The following ZBED6 variants were observed in gnomAD, a reference collection of about 807,000 sequenced individuals.
ZBED6 encodes zinc finger BED domain-containing protein 6.
Under a neutral mutation model 58.4 loss-of-function variants are expected in ZBED6, and 40 were observed. The observed-to-expected ratio is 0.68, with a 90% CI of 0.53 to 0.89. ZBED6 has a LOEUF of 0.89. ZBED6 is among the 40% of genes least tolerant of loss of function. The pLI, the probability that ZBED6 is intolerant of heterozygous loss-of-function variation, is 0.00. For synonymous variants in ZBED6, 439 were observed against 350.6 expected (o/e 1.25, Z -2.82); for missense variants, 1,057 against 1,003.9 (o/e 1.05, Z -0.71).
exon 1 of ZBED6, chr1:203,796,482 A>G (rs1668543558): frequency 1.0e-5 from 4 of 398,968 alleles, no homozygotes; most frequent in East Asian, 3.6e-5. Flanking sequence ...GAACACCCCT[A>G]AACTCCCATA....
At chr1:203,811,826 T>C (rs1054886583) in intron 1 of ZBED6, among the ~76,000 whole-genome samples, 64 of 151,616 alleles carry the variant, frequency 4.2e-4, no homozygotes, top group Non-Finnish European at 6.9e-4. Context: ...CTTTTTCTTT[T>C]TTTTTTTTTT....
intron 11 of ZBED6, among the ~76,000 whole-genome samples, chr1:203,845,282 A>T (rs371998224): frequency 4.6e-5 from 7 of 151,994 alleles, no homozygotes; most frequent in Admixed American, 2.0e-4. Flanking sequence ...TTGGTAGGGG[A>T]GGGAAACAGG....
chr1:203,833,983 T>G (rs1469544164), intron 9 of ZBED6, 130 bp downstream of exon 9: 1 of 1,378,132 alleles, frequency 7.3e-7, no homozygotes, highest in Admixed American at 3.1e-5. Context: ...ACTTATAAAT[T>G]CCTCATGTTT....
exon 1 of ZBED6, chr1:203,800,188 A>C (rs1329499675): frequency 1.3e-6 from 2 of 1,523,282 alleles, no homozygotes; most frequent in South Asian, 1.2e-5. Flanking sequence ...ATTTACTGGC[A>C]GAGGAAGATA....
At chr1:203,832,225 A>AT (rs1682613790) in intron 8 of ZBED6, among the ~76,000 whole-genome samples, 1 of 151,548 alleles carries the variant, frequency 6.6e-6, no homozygotes, top group Non-Finnish European at 1.5e-5. Flanking sequence ...AGCCCGGCTG[A>AT]TTTTTTTGTA....
chr1:203,826,618 T>C (rs1040913657), intron 3 of ZBED6, among the ~76,000 whole-genome samples: 1 of 152,134 alleles, frequency 6.6e-6, no homozygotes, highest in Non-Finnish European at 1.5e-5. Context: ...TTTGCCCTTT[T>C]TGATACATTT....
chr1:203,808,588 T>C (rs895319782), intron 1 of ZBED6, among the ~76,000 whole-genome samples: 24 of 152,204 alleles, frequency 1.6e-4, no homozygotes, highest in Non-Finnish European at 3.2e-4. Flanking sequence ...TTTCTGGAAT[T>C]ATTTTCATTT....
intron 11 of ZBED6, among the ~76,000 whole-genome samples, chr1:203,842,794 G>T (rs1394954058): frequency 1.3e-5 from 2 of 151,562 alleles, no homozygotes; most frequent in Non-Finnish European, 2.9e-5. Context: ...TCTGGGTATT[G>T]AGGTTTTCTT....
chr1:203,812,571 A>G (rs1276980036), intron 1 of ZBED6, among the ~76,000 whole-genome samples: 1 of 137,380 alleles, frequency 7.3e-6, no homozygotes, highest in South Asian at 2.2e-4. Context: ...GATTTTAGCC[A>G]TTCTAAATTT....
exon 15 of ZBED6, chr1:203,850,556 G>C: frequency 6.2e-7 from 1 of 1,613,982 alleles, no homozygotes; most frequent in Admixed American, 1.7e-5. Flanking sequence ...GGTTAAAGTT[G>C]TGTCATCCCC....
intron 1 of ZBED6, chr1:203,805,940 G>GT (rs1196794902): frequency 1.6e-6 from 1 of 644,584 alleles, no homozygotes; most frequent in Admixed American, 1.8e-5. Flanking sequence ...TTTGCTCCCA[G>GT]TTTCATAGCA....
chr1:203,832,859 A>C (rs772489799), intron 8 of ZBED6, among the ~76,000 whole-genome samples: 65 of 152,244 alleles, frequency 4.3e-4, no homozygotes, highest in Non-Finnish European at 7.5e-4. Context: ...ATCAAAGTGC[A>C]TAAGCAAAAG....
At chr1:203,812,585 T>TC (rs1196772670) in intron 1 of ZBED6, among the ~76,000 whole-genome samples, 1 of 147,410 alleles carries the variant, frequency 6.8e-6, no homozygotes, top group East Asian at 1.9e-4. Context: ...TAAATTTTTT[T>TC]TTTTTTTTTT....
intron 1 of ZBED6, among the ~76,000 whole-genome samples, chr1:203,807,586 A>T (rs1245814423): frequency 6.6e-6 from 1 of 151,638 alleles, no homozygotes; most frequent in Non-Finnish European, 1.5e-5. Context: ...GAGTGCAGTG[A>T]TGTGATCATA....
In ZBED6 at chr1:203,847,537, A is replaced by G. The variant is rs138049447; in HGVS notation, c.*4095A>G. The G allele has an allele frequency of 4.8e-4, 776 of 1,613,986 alleles. 4 individuals carry two copies. The African/African-American group carries it at 9.2e-3, about 19-fold the overall frequency. On this transcript the variant is annotated 3_prime_UTR_variant, in exon 12 of 17. Coordinates refer to ENST00000550078, the Ensembl canonical transcript of ZBED6. ...GGAGCCTGCAGGTAAAACAAAGTCT[A>G]TGCAGGAGGTGCACATCAAGACGCT...
chr1:203,811,737 T>C lies in ZBED6; in HGVS notation c.*2555-5189T>C, dbSNP rs189564063. ...GTTGGCCAGGCTGGTCTTGAACTCTTGACCTCAAATGACTTTTTTTATTAT... is the reference window on the plus strand; with the variant it reads ...GTTGGCCAGGCTGGTCTTGAACTCTCGACCTCAAATGACTTTTTTTATTAT... On this transcript the variant is annotated intron_variant, in intron 1 of 16. Transcript: ENST00000550078. 1.5e-3 allele frequency among the ~76,000 whole-genome samples: 224 copies of C among 152,244 alleles called. 2 individuals carry two copies. The highest frequency in any genetic ancestry group is 5.0e-3 in the African/African-American group (208 of 41,520).
chr1:203,838,484 C>T (rs1161558383), intron 10 of ZBED6, among the ~76,000 whole-genome samples: 2 of 152,190 alleles, frequency 1.3e-5, no homozygotes, highest in Non-Finnish European at 2.9e-5. Context: ...GACTGTGTCT[C>T]AGGCAGAGAG....
In ZBED6 at chr1:203,832,452, C is replaced by G. The variant is rs564973865; in HGVS notation, c.*3510+681C>G. Reference sequence around the variant, plus strand: ...CTCCACTCACTGCAACCTCCGCCTCCCAGGTTCAAGTGATTCTCCTGCTTC... The same window carrying G: ...CTCCACTCACTGCAACCTCCGCCTCGCAGGTTCAAGTGATTCTCCTGCTTC... On this transcript the variant is annotated intron_variant, in intron 8 of 16. Transcript: ENST00000550078. Among the ~76,000 whole-genome samples the G allele has an allele frequency of 3.9e-5, 6 of 152,164 alleles. No homozygotes were observed. The East Asian group carries it at 1.2e-3, about 29-fold the overall frequency.
chr1:203,828,724 G>A (rs1468941546), intron 4 of ZBED6, among the ~76,000 whole-genome samples: 1 of 152,126 alleles, frequency 6.6e-6, no homozygotes, highest in Non-Finnish European at 1.5e-5. Context: ...GGCAAAACTG[G>A]TCCTCTGCCT....
Sources: allele counts gnomAD v4.1 joint callset (sites outside exome capture counted in the v4.1 genomes callset), GRCh38; gene constraint gnomAD v4.1.1; transcripts MANE v1.5; gene names NCBI Gene and HGNC (gene_info 2026-07-23, HGNC 2026-07-21).